UBR3: variants seen among roughly 807,000 people sequenced by gnomAD.
The protein encoded by UBR3 is E3 ubiquitin-protein ligase UBR3.
In UBR3, 85 loss-of-function variants were observed where a neutral mutation model predicts 243.2. The observed-to-expected ratio is 0.35, with a 90% CI of 0.29 to 0.42. The LOEUF is 0.42. Among genes scored for constraint, UBR3 ranks in the 10% least tolerant of loss-of-function variants. The pLI, the probability that UBR3 is intolerant of heterozygous loss-of-function variation, is 1.00. For missense variants in UBR3, 1,686 were observed against 2,300.8 expected (o/e 0.73, Z 5.47); for synonymous variants, 748 against 799.8 (o/e 0.94, Z 1.09).
intron 5 of UBR3, among the ~76,000 whole-genome samples, chr2:169,879,352 G>A (rs1182675578): frequency 6.6e-6 from 1 of 152,080 alleles, no homozygotes; most frequent in African/African-American, 2.4e-5. Flanking sequence ...GATGATTTCT[G>A]TTGTGGAAGT....
chr2:169,832,294 C>G (rs552862634), intron 1 of UBR3, among the ~76,000 whole-genome samples: 8 of 151,304 alleles, frequency 5.3e-5, no homozygotes, highest in African/African-American at 1.9e-4. Flanking sequence ...CTCACGCCTG[C>G]AATCCCAGCA....
intron 8 of UBR3, among the ~76,000 whole-genome samples, chr2:169,900,290 T>C (rs1014945286): frequency 6.6e-6 from 1 of 152,234 alleles, no homozygotes; most frequent in African/African-American, 2.4e-5. Context: ...TGCATAAATG[T>C]CTTCTTTTGA....
intron 31 of UBR3, among the ~76,000 whole-genome samples, chr2:170,029,930 A>G (rs1051186964): frequency 4.6e-5 from 7 of 152,160 alleles, no homozygotes; most frequent in African/African-American, 1.4e-4. Flanking sequence ...GAACTTTACC[A>G]TATCAACTAT....
chr2:169,939,566 C>CT (rs1196527694), intron 19 of UBR3, among the ~76,000 whole-genome samples: 19 of 149,318 alleles, frequency 1.3e-4, no homozygotes, highest in African/African-American at 3.7e-4. Flanking sequence ...CGTGCCAGGC[C>CT]TTTTTTTTTC....
In UBR3 at chr2:170,079,493, A is replaced by G. The variant is rs1168414756; in HGVS notation, c.5200-321A>G. ...TTTGCACTATGCATGTTTAAAGTCA[A>G]ATACAATTAGATGTATTTTCCCTGC... On this transcript the variant is annotated intron_variant, in intron 36 of 38. Coordinates refer to ENST00000272793, the MANE Select transcript of UBR3 (RefSeq NM_172070.4). Among the ~76,000 whole-genome samples the G allele has an allele frequency of 2.6e-5, 4 of 152,342 alleles. No homozygotes were observed. In the East Asian group the frequency reaches 7.7e-4, roughly 29 times the overall value.
At position 169,928,848 on chromosome 2, in the gene UBR3, A is replaced by AAGGC; in HGVS notation, c.2548_2551dup (p.Met851ArgfsTer8). The AAGGC allele has an allele frequency of 1.3e-6, 2 of 1,491,566 alleles. No homozygotes were observed. The highest frequency in any genetic ancestry group is 1.8e-6 in the Non-Finnish European group (2 of 1,105,676). 92.4% of individuals were successfully genotyped at this position (1,491,566 alleles called of 1,614,324 possible). On this transcript the variant is annotated frameshift_variant, in exon 18 of 39. Coordinates refer to ENST00000272793, the MANE Select transcript of UBR3 (RefSeq NM_172070.4). LOFTEE classifies it high-confidence loss of function. ...TTTGAACCTGGAGGTTCTATGCAAC[A>AAGGC]AGGCATGTATACTCCCAAAGGTATG...
In UBR3 at chr2:169,873,595, C is replaced by T. The variant is rs188680483; in HGVS notation, c.685+1220C>T. On this transcript the variant is annotated intron_variant, in intron 2 of 38. Transcript: ENST00000272793. Reference sequence around the variant, plus strand: ...GGCTGAGGCAGGAGGATCCCTTGAGCTCAGGAGTTCAAGGCTGCAGTGAGC... The same window carrying T: ...GGCTGAGGCAGGAGGATCCCTTGAGTTCAGGAGTTCAAGGCTGCAGTGAGC... Among the ~76,000 whole-genome samples the T allele has an allele frequency of 4.7e-3, 715 of 152,108 alleles. 4 individuals carry two copies. The highest frequency in any genetic ancestry group is 0.02 in the Middle Eastern group (6 of 294).
intron 35 of UBR3, among the ~76,000 whole-genome samples, chr2:170,063,490 C>T (rs2091494319): frequency 6.6e-6 from 1 of 151,912 alleles, no homozygotes; most frequent in African/African-American, 2.4e-5. Context: ...ACAGTAGTAC[C>T]CCCTTATCTG....
In UBR3 at chr2:169,905,249, A is replaced by C; in HGVS notation, c.1601A>C (p.His534Pro). The change falls in exon 9 of 39, where the codon CAC becomes CCC. Residue 534 changes from histidine (H) to proline (P), a missense_variant. His to Pro is a moderately conservative substitution (Grantham distance 77, BLOSUM62 -2). This residue lies in a region of UBR3 where 346 missense variants were observed against 585.8 expected (regional missense o/e 0.59). Coordinates refer to ENST00000272793, the MANE Select transcript of UBR3 (RefSeq NM_172070.4). ...QSVAKRFLED[H>P]GLLVTWMNFV... The stretch of plus-strand genomic sequence containing the variant: ...GTGGCCAAGAGATTTTTGGAGGATC[A>C]CGGTTTGTTAGTTACATGGATGAAC... 6.5e-7 allele frequency: 1 copy of C among 1,543,666 alleles called. No individual in the cohort carries two copies. Among genetic ancestry groups the C allele is most frequent in the African/African-American group, 1.4e-5 (1 of 72,960 alleles).
At chr2:169,945,207 A>G (rs1183559436) in intron 20 of UBR3, among the ~76,000 whole-genome samples, 5 of 151,730 alleles carry the variant, frequency 3.3e-5, no homozygotes, top group East Asian at 3.9e-4. Flanking sequence ...TATAATTCCA[A>G]TTTTAGAGAT....
intron 18 of UBR3, among the ~76,000 whole-genome samples, chr2:169,929,278 A>T (rs1455102342): frequency 6.6e-6 from 1 of 152,228 alleles, no homozygotes; most frequent in African/African-American, 2.4e-5. Context: ...AATAGTTCAA[A>T]TTAAAGTCTG....
chr2:169,937,405 T>C (rs2086382016), intron 19 of UBR3, among the ~76,000 whole-genome samples: 1 of 152,260 alleles, frequency 6.6e-6, no homozygotes, highest in Non-Finnish European at 1.5e-5. Context: ...TTCTGGATAT[T>C]AGCCCTTTGT....
At chr2:169,842,717 A>G (rs1363522460) in intron 1 of UBR3, among the ~76,000 whole-genome samples, 5 of 152,172 alleles carry the variant, frequency 3.3e-5, no homozygotes, top group Non-Finnish European at 7.3e-5. Context: ...ACCCACCAGA[A>G]GGAAGAAACT....
chr2:169,957,242 CTTATG>C (rs1417026124), intron 23 of UBR3, among the ~76,000 whole-genome samples: 2 of 149,606 alleles, frequency 1.3e-5, no homozygotes, highest in East Asian at 2.0e-4. Flanking sequence ...TTTTCCTATT[CTTATG>C]TTATGGTAAC....
chr2:169,993,323 T>C (rs1003142134), intron 25 of UBR3, among the ~76,000 whole-genome samples: 2 of 152,236 alleles, frequency 1.3e-5, no homozygotes, highest in Admixed American at 1.3e-4. Context: ...GATTAACATA[T>C]ACACATATAC....
In UBR3 at chr2:169,957,535, G is replaced by A. The variant is rs372674525; in HGVS notation, c.3546-903G>A. ...AGTGAGAACACTTGGACACAGGAAG[G>A]GGAACATCACACACCAGGGCCTGTC... On this transcript the variant is annotated intron_variant, in intron 23 of 38. Transcript: ENST00000272793. 5.6e-3 allele frequency among the ~76,000 whole-genome samples: 801 copies of A among 142,748 alleles called. 7 individuals are homozygous for A. The highest frequency in any genetic ancestry group is 0.02 in the African/African-American group (753 of 38,298). 93.6% of individuals were successfully genotyped at this position (142,748 alleles called of 152,430 possible).
intron 2 of UBR3, among the ~76,000 whole-genome samples, chr2:169,873,975 G>A (rs143201339): frequency 0.013 from 1,979 of 152,024 alleles, 23 homozygotes; most frequent in Middle Eastern, 0.037. Flanking sequence ...ATTTTTTGTT[G>A]TTGACATAAC....
At chr2:170,045,138 A>G (rs1409945909) in intron 32 of UBR3, among the ~76,000 whole-genome samples, 2 of 152,138 alleles carry the variant, frequency 1.3e-5, no homozygotes, top group African/African-American at 4.8e-5. Flanking sequence ...AGGTCTCACA[A>G]TCATGGCAGA....
At chr2:169,876,322 C>G (rs967466139) in intron 3 of UBR3, among the ~76,000 whole-genome samples, 1 of 151,966 alleles carries the variant, frequency 6.6e-6, no homozygotes, top group African/African-American at 2.4e-5. Context: ...CCTCATGATC[C>G]GCCCGCCTTG....
Sources: gnomAD v4.1 joint callset for allele counts (sites outside exome capture counted in the v4.1 genomes callset) on GRCh38, gnomAD v4.1.1 for gene constraint, gnomAD v4.1.1 regional missense constraint, MANE v1.5 for transcripts, NCBI Gene and HGNC (gene_info 2026-07-23, HGNC 2026-07-21) for gene names.